Variants in IPPK observed in about 807,000 individuals in gnomAD.
The protein encoded by IPPK is IPK1 homolog.
In IPPK, 22 loss-of-function variants were observed where a neutral mutation model predicts 64.6. The ratio of observed to expected loss-of-function variants is 0.34; its 90% CI spans 0.24 to 0.49. IPPK has a LOEUF of 0.49. IPPK is among the 20% of genes least tolerant of loss of function. The pLI is 0.99. For missense variants in IPPK, 532 were observed against 630.7 expected (o/e 0.84, Z 1.68); for synonymous variants, 262 against 247.2 (o/e 1.06, Z -0.56).
In IPPK at chr9:92,615,829, GAGTT is replaced by G. The variant is rs1564024255; in HGVS notation, c.1475_*2del. On this transcript the variant is annotated stop_lost and 3_prime_UTR_variant, in exon 13 of 13. Coordinates refer to ENST00000287996, the MANE Select transcript of IPPK (RefSeq NM_022755.6). ...AAGTTTCAAAGACACTGCAGGGAAAGAGTTAGACCTTGTGGAGAACTAATGTGCA... is the reference window on the plus strand; with the variant it reads ...AAGTTTCAAAGACACTGCAGGGAAAGAGACCTTGTGGAGAACTAATGTGCA... The G allele has an allele frequency of 1.2e-6, 2 of 1,603,152 alleles. No homozygotes were observed. The highest frequency in any genetic ancestry group is 2.2e-5 in the East Asian group (1 of 44,808).
intron 3 of IPPK, among the ~76,000 whole-genome samples, chr9:92,654,979 T>C (rs901535434): frequency 1.3e-5 from 2 of 152,240 alleles, no homozygotes; most frequent in African/African-American, 4.8e-5. Flanking sequence ...TCCTCCAGTA[T>C]GTAAGGAGCA....
rs560636570 is a variant in IPPK, at chr9:92,640,363, T to C, written c.636+347A>G. ...GCAGGCCAGGTCACACCAGCCCAGA[T>C]AGTGCCAGAGCCATCCTCACCCACA... On this transcript the variant is annotated intron_variant, in intron 8 of 12. Coordinates refer to ENST00000287996, the MANE Select transcript of IPPK (RefSeq NM_022755.6). Among the ~76,000 whole-genome samples, 40 of 126,064 alleles carry C rather than the reference T, an allele frequency of 3.2e-4. No individual in the cohort carries two copies. The South Asian group carries it at 0.011, about 33-fold the overall frequency. The allele number at this position is 126,064 out of a possible 152,430, so 82.7% of individuals were successfully genotyped here. A position where few individuals can be genotyped will look rare whatever the true frequency, so the allele number is the denominator to read the frequency against.
At chr9:92,618,866 C>T (rs1352387259) in intron 12 of IPPK, 3 of 343,538 alleles carry the variant, frequency 8.7e-6, no homozygotes, top group South Asian at 4.6e-5. Context: ...TGGAACATTC[C>T]GCAAATACTG....
At chr9:92,660,953 G>A (rs977644465) in intron 1 of IPPK, among the ~76,000 whole-genome samples, 5 of 152,190 alleles carry the variant, frequency 3.3e-5, no homozygotes, top group Non-Finnish European at 5.9e-5. Context: ...ACAGGTCCCA[G>A]GAGAAAAAGA....
At chr9:92,625,704 T>TCCAGTG (rs940952031) in intron 11 of IPPK, among the ~76,000 whole-genome samples, 5 of 152,190 alleles carry the variant, frequency 3.3e-5, no homozygotes, top group Non-Finnish European at 7.3e-5. Flanking sequence ...TGTCCTACAG[T>TCCAGTG]CCAGTGCCAC....
At chr9:92,669,115 C>T (rs1369247469) in intron 1 of IPPK, among the ~76,000 whole-genome samples, 3 of 152,134 alleles carry the variant, frequency 2.0e-5, no homozygotes, top group African/African-American at 7.2e-5. Flanking sequence ...ATTCCTGTGC[C>T]TTTAACACCC....
In IPPK at chr9:92,656,479, C is replaced by A; in HGVS notation, c.202G>T (p.Gly68Trp). 6.2e-7 allele frequency: 1 copy of A among 1,612,596 alleles called. No homozygotes were observed. The highest frequency in any genetic ancestry group is 8.5e-7 in the Non-Finnish European group (1 of 1,178,592). The part of the protein sequence containing the change: ...FGKNVMKEFL[G>W]ENYVHYGEVV... ...ACCCCATAATGAACATAGTTCTCCC[C>A]CAAAAACTCCTTCATGACATTTTTC... The change falls in exon 3 of 13, where the codon GGG becomes TGG. Residue 68 changes from glycine to tryptophan, a missense_variant. Coordinates refer to ENST00000287996, the MANE Select transcript of IPPK (RefSeq NM_022755.6).
chr9:92,636,902 G>A (rs1030556057), intron 9 of IPPK, among the ~76,000 whole-genome samples: 26 of 151,962 alleles, frequency 1.7e-4, no homozygotes, highest in African/African-American at 5.8e-4. Context: ...GCCATCTGTC[G>A]TTGCAGACAC....
chr9:92,658,760 T>A, intron 1 of IPPK, 79 bp from the exon 2 acceptor site: 1 of 1,283,602 alleles, frequency 7.8e-7, no homozygotes. Flanking sequence ...GGGGGTCCCA[T>A]CCTCAGTGGA....
intron 11 of IPPK, among the ~76,000 whole-genome samples, chr9:92,622,607 AAT>A (rs61050099): frequency 1.3e-5 from 2 of 150,750 alleles, no homozygotes; most frequent in African/African-American, 2.4e-5. Flanking sequence ...TTATCAGAAT[AAT>A]ATATATATAT....
At chr9:92,621,916 C>T (rs1117670) in intron 11 of IPPK, among the ~76,000 whole-genome samples, 35,787 of 152,084 alleles carry the variant, frequency 0.24, 4,981 homozygotes, top group East Asian at 0.66. Flanking sequence ...AGGCTGAACA[C>T]AGACATTACA....
intron 8 of IPPK, among the ~76,000 whole-genome samples, chr9:92,638,619 C>T (rs1467923326): frequency 6.6e-6 from 1 of 152,246 alleles, no homozygotes; most frequent in Non-Finnish European, 1.5e-5. Flanking sequence ...ACTCCCAAAG[C>T]CACCAGCCCA....
rs748225941 is a variant in IPPK, at chr9:92,638,163, G to A, written c.754C>T (p.His252Tyr). The A allele has an allele frequency of 6.2e-7, 1 of 1,614,240 alleles. No homozygotes were observed. Among genetic ancestry groups the A allele is most frequent in the Non-Finnish European group, 8.5e-7 (1 of 1,180,042 alleles). The change falls in exon 9 of 13, where the codon CAC (histidine) becomes TAC (tyrosine). Residue 252 changes from histidine to tyrosine, a missense_variant. By Grantham distance (83) the His-to-Tyr change is moderately conservative. Coordinates refer to ENST00000287996, the MANE Select transcript of IPPK (RefSeq NM_022755.6). Reference protein sequence around the residue: ...FPSNGLASGPHCTRAVIRELV... With the variant: ...FPSNGLASGPYCTRAVIRELV... ...TCCCTGATCACAGCCCTTGTGCAGT[G>A]GGGCCCACTGGCCAGGCCGTTGGAA...
chr9:92,668,257 G>A (rs1418313651), intron 1 of IPPK, among the ~76,000 whole-genome samples: 1 of 152,184 alleles, frequency 6.6e-6, no homozygotes, highest in Non-Finnish European at 1.5e-5. Context: ...AACAGAGTGA[G>A]ACCCCGTTTC....
chr9:92,663,632 C>T (rs534905797), intron 1 of IPPK, among the ~76,000 whole-genome samples: 11 of 152,310 alleles, frequency 7.2e-5, no homozygotes, highest in African/African-American at 1.4e-4. Context: ...AACCCCAATA[C>T]ATTAAAAGGG....
chr9:92,628,685 G>A (rs1036721489), intron 11 of IPPK, among the ~76,000 whole-genome samples: 1 of 152,126 alleles, frequency 6.6e-6, no homozygotes, highest in African/African-American at 2.4e-5. Context: ...AGACCAGCCT[G>A]GCCAACATGG....
chr9:92,642,068 C>T (rs903651170), intron 7 of IPPK, among the ~76,000 whole-genome samples: 1 of 152,244 alleles, frequency 6.6e-6, no homozygotes, highest in African/African-American at 2.4e-5. Context: ...TGCCTCTCTC[C>T]ACCTGCTCCC....
chr9:92,629,113 G>A (rs145672436), intron 11 of IPPK, among the ~76,000 whole-genome samples: 193 of 151,914 alleles, frequency 1.3e-3, no homozygotes, highest in African/African-American at 4.2e-3. Context: ...GAATGATGTC[G>A]GACCTCTACC....
intron 1 of IPPK, among the ~76,000 whole-genome samples, chr9:92,667,941 G>C (rs1852634291): frequency 1.3e-5 from 2 of 151,660 alleles, no homozygotes; most frequent in Non-Finnish European, 2.9e-5. Flanking sequence ...AGAACAGCCT[G>C]GTGGCTGTAG....
Sources: gnomAD v4.1 joint callset for allele counts (sites outside exome capture counted in the v4.1 genomes callset) on GRCh38, gnomAD v4.1.1 for gene constraint, MANE v1.5 for transcripts, NCBI Gene and HGNC (gene_info 2026-07-23, HGNC 2026-07-21) for gene names.